Variants in KHDRBS2 observed in about 807,000 individuals in gnomAD.
KHDRBS2 encodes the protein KH RNA binding domain containing, signal transduction associated 2.
In KHDRBS2, 26 loss-of-function variants were observed where a neutral mutation model predicts 44.3. The ratio of observed to expected loss-of-function variants is 0.59; its 90% CI spans 0.43 to 0.81. KHDRBS2 has a LOEUF of 0.81. Among genes scored for constraint, KHDRBS2 ranks in the 40% least tolerant of loss-of-function variants. KHDRBS2 has a pLI of 0.00. For missense variants in KHDRBS2, 476 were observed against 433.1 expected (o/e 1.10, Z -0.88); for synonymous variants, 194 against 151.1 (o/e 1.28, Z -2.08).
intron 4 of KHDRBS2, among the ~76,000 whole-genome samples, chr6:61,953,275 G>T (rs892112430): frequency 4.6e-5 from 7 of 151,910 alleles, no homozygotes; most frequent in African/African-American, 1.7e-4. Flanking sequence ...TGCCATCCAA[G>T]ACTTTATACA....
At chr6:62,168,520 T>C (rs1309906573) in intron 2 of KHDRBS2, among the ~76,000 whole-genome samples, 1 of 152,176 alleles carries the variant, frequency 6.6e-6, no homozygotes, top group East Asian at 1.9e-4. Flanking sequence ...GCATTCCTTT[T>C]GCATGTCTAG....
chr6:61,695,844 C>G (rs1376295697), intron 8 of KHDRBS2, among the ~76,000 whole-genome samples: 4 of 152,122 alleles, frequency 2.6e-5, no homozygotes, highest in Non-Finnish European at 5.9e-5. Flanking sequence ...TTCCTTTCCT[C>G]TCAGCATCAG....
chr6:61,831,350 A>G (rs1791768778), intron 6 of KHDRBS2, among the ~76,000 whole-genome samples: 2 of 151,920 alleles, frequency 1.3e-5, no homozygotes, highest in Non-Finnish European at 2.9e-5. Flanking sequence ...GATAAGAAAA[A>G]TGTGTGTGTG....
chr6:62,089,052 A>C (rs1242656497), intron 2 of KHDRBS2, among the ~76,000 whole-genome samples: 1 of 151,982 alleles, frequency 6.6e-6, no homozygotes, highest in Non-Finnish European at 1.5e-5. Flanking sequence ...AGCCTCAGTA[A>C]TGGTGGACTC....
At chr6:61,968,703 T>C (rs1770663652) in intron 4 of KHDRBS2, among the ~76,000 whole-genome samples, 1 of 152,020 alleles carries the variant, frequency 6.6e-6, no homozygotes, top group South Asian at 2.1e-4. Flanking sequence ...TTTAGTGCCC[T>C]TCAATACAGC....
At chr6:62,076,918 C>T (rs1796453035) in intron 2 of KHDRBS2, among the ~76,000 whole-genome samples, 1 of 151,844 alleles carries the variant, frequency 6.6e-6, no homozygotes, top group Non-Finnish European at 1.5e-5. Flanking sequence ...GGTGGTGGTA[C>T]ACCTGTAGTC....
At chr6:61,875,776 T>G (rs1250844845) in intron 6 of KHDRBS2, among the ~76,000 whole-genome samples, 1 of 152,094 alleles carries the variant, frequency 6.6e-6, no homozygotes, top group Non-Finnish European at 1.5e-5. Context: ...CCATAATAGT[T>G]AATTTTACAG....
chr6:61,617,047 C>T, the KHDRBS2 span, among the ~76,000 whole-genome samples: 2 of 152,002 alleles, frequency 1.3e-5, no homozygotes. Flanking sequence ...CCAGTTGAGG[C>T]TACTTTCAGA....
chr6:61,722,269 G>T (rs1413585132), intron 7 of KHDRBS2, among the ~76,000 whole-genome samples: 1 of 152,098 alleles, frequency 6.6e-6, no homozygotes, highest in Non-Finnish European at 1.5e-5. Flanking sequence ...GCCCGGCTTT[G>T]GTATCAGGAT....
At chr6:61,769,730 G>A (rs1314194210) in intron 6 of KHDRBS2, among the ~76,000 whole-genome samples, 6 of 152,256 alleles carry the variant, frequency 3.9e-5, no homozygotes, top group Non-Finnish European at 7.3e-5. Context: ...AAGGAGGCCT[G>A]CCTGCCTCTG....
At chr6:62,169,862 G>T (rs185312847) in intron 2 of KHDRBS2, among the ~76,000 whole-genome samples, 67 of 152,048 alleles carry the variant, frequency 4.4e-4, no homozygotes, top group African/African-American at 1.4e-3. Context: ...GGAAGCCACA[G>T]TTGCAATGTG....
the KHDRBS2 span, among the ~76,000 whole-genome samples, chr6:61,619,674 G>A: frequency 2.0e-3 from 299 of 151,996 alleles, no homozygotes; most frequent in African/African-American, 7.0e-3. Context: ...GACTGGTCTC[G>A]AACTCCTGAC....
At chr6:62,270,726 AAGT>A (rs1312108635) in intron 1 of KHDRBS2, among the ~76,000 whole-genome samples, 1 of 152,158 alleles carries the variant, frequency 6.6e-6, no homozygotes, top group Non-Finnish European at 1.5e-5. Context: ...AAGAAAACCA[AAGT>A]AGATAAGGAA....
chr6:61,585,036 G>T, the KHDRBS2 span, among the ~76,000 whole-genome samples: 27 of 151,688 alleles, frequency 1.8e-4, no homozygotes, highest in African/African-American at 6.3e-4. Context: ...TTCCTTTCAT[G>T]GAAAAATAGG....
chr6:61,778,598 T>C (rs1288276573), intron 6 of KHDRBS2, among the ~76,000 whole-genome samples: 2 of 152,224 alleles, frequency 1.3e-5, no homozygotes, highest in East Asian at 3.9e-4. Context: ...CGTGATGCCA[T>C]AATGGACAGT....
chr6:61,841,347 ATACT>A (rs1482564597), intron 6 of KHDRBS2, among the ~76,000 whole-genome samples: 1 of 152,170 alleles, frequency 6.6e-6, no homozygotes, highest in Non-Finnish European at 1.5e-5. Context: ...TTTTGGGTAC[ATACT>A]TCTTGAATAC....
intron 3 of KHDRBS2, among the ~76,000 whole-genome samples, chr6:62,018,680 A>G (rs1313074586): frequency 6.6e-6 from 1 of 152,210 alleles, no homozygotes; most frequent in East Asian, 1.9e-4. Flanking sequence ...AAACTATCCC[A>G]GGATACCAAC....
chr6:61,890,541 C>T (rs1801660040), intron 6 of KHDRBS2, among the ~76,000 whole-genome samples: 1 of 152,158 alleles, frequency 6.6e-6, no homozygotes, highest in Non-Finnish European at 1.5e-5. Context: ...ATGCTAACTA[C>T]TATTACCTGA....
intron 3 of KHDRBS2, among the ~76,000 whole-genome samples, chr6:62,002,552 T>C (rs1471151034): frequency 6.6e-6 from 1 of 151,340 alleles, no homozygotes; most frequent in Non-Finnish European, 1.5e-5. Flanking sequence ...CATTTAACCT[T>C]TTAAATACTA....
Sources: gnomAD v4.1 joint callset for allele counts (sites outside exome capture counted in the v4.1 genomes callset) on GRCh38, gnomAD v4.1.1 for gene constraint, MANE v1.5 for transcripts, NCBI Gene and HGNC (gene_info 2026-07-23, HGNC 2026-07-21) for gene names.